TNFSF4: variants seen among roughly 807,000 people sequenced by gnomAD.
TNFSF4 encodes TNF superfamily member 4.
A neutral mutation model predicts 7.3 loss-of-function variants in TNFSF4; 4 were observed. The observed-to-expected ratio is 0.55, with a 90% CI of 0.27 to 1.25. TNFSF4 has a LOEUF of 1.25. TNFSF4 is among the 50% of genes most tolerant of loss of function. TNFSF4 has a pLI of 0.12. For synonymous variants in TNFSF4, 76 were observed against 83.7 expected (o/e 0.91, Z 0.50); for missense variants, 181 against 208.8 (o/e 0.87, Z 0.82).
chr1:173,393,309 G>C, the TNFSF4 span, among the ~76,000 whole-genome samples: 7,520 of 152,234 alleles, frequency 0.049, 625 homozygotes, highest in African/African-American at 0.17. Context: ...TGAGTCATTC[G>C]TGACATTTTC....
At chr1:173,277,954 A>G in the TNFSF4 span, among the ~76,000 whole-genome samples, 1 of 152,276 alleles carries the variant, frequency 6.6e-6, no homozygotes, top group East Asian at 1.9e-4. Flanking sequence ...CTAAGGGAAG[A>G]ATGACACCAC....
chr1:173,223,973 C>T, the TNFSF4 span, among the ~76,000 whole-genome samples: 2 of 152,188 alleles, frequency 1.3e-5, no homozygotes, highest in Non-Finnish European at 2.9e-5. Flanking sequence ...GTCAACTCAG[C>T]AGTAACGCTG....
the TNFSF4 span, among the ~76,000 whole-genome samples, chr1:173,325,029 A>G: frequency 6.6e-6 from 1 of 152,352 alleles, no homozygotes; most frequent in Non-Finnish European, 1.5e-5. Context: ...AGACATCTAC[A>G]GAACTCTCCA....
chr1:173,409,764 C>T, the TNFSF4 span, among the ~76,000 whole-genome samples: 2 of 152,074 alleles, frequency 1.3e-5, no homozygotes, highest in South Asian at 4.1e-4. Context: ...GTGAGAAGTG[C>T]AGGCAGTGGT....
At chr1:173,232,564 C>T in the TNFSF4 span, among the ~76,000 whole-genome samples, 6 of 152,302 alleles carry the variant, frequency 3.9e-5, no homozygotes, top group African/African-American at 1.4e-4. Flanking sequence ...AAAGGGAATG[C>T]TTCCAGTTTT....
chr1:173,408,096 A>C, the TNFSF4 span, among the ~76,000 whole-genome samples: 1 of 152,174 alleles, frequency 6.6e-6, no homozygotes, highest in Non-Finnish European at 1.5e-5. Flanking sequence ...TGGAAAATAC[A>C]CTTCTGTTGT....
chr1:173,237,313 A>G, the TNFSF4 span, among the ~76,000 whole-genome samples: 5 of 152,206 alleles, frequency 3.3e-5, no homozygotes, highest in Non-Finnish European at 5.9e-5. Flanking sequence ...ACTAAAGACA[A>G]AAACTACATG....
chr1:173,374,353 T>C, the TNFSF4 span, among the ~76,000 whole-genome samples: 1 of 152,166 alleles, frequency 6.6e-6, no homozygotes, highest in Admixed American at 6.5e-5. Flanking sequence ...TCCCCATCTA[T>C]GGATTTCTTG....
chr1:173,436,942 C>A, the TNFSF4 span, among the ~76,000 whole-genome samples: 1 of 152,286 alleles, frequency 6.6e-6, no homozygotes, highest in African/African-American at 2.4e-5. Flanking sequence ...GATCTCTAGG[C>A]CCCTGGAATG....
the TNFSF4 span, among the ~76,000 whole-genome samples, chr1:173,386,177 A>C: frequency 2.6e-5 from 4 of 152,212 alleles, no homozygotes; most frequent in Non-Finnish European, 5.9e-5. Context: ...CTTGGGGCTC[A>C]TGCCCAGGGC....
chr1:173,315,413 C>G, the TNFSF4 span, among the ~76,000 whole-genome samples: 1 of 151,814 alleles, frequency 6.6e-6, no homozygotes, highest in South Asian at 2.1e-4. Flanking sequence ...GTCTAGACAT[C>G]AAAGAAAAAA....
the TNFSF4 span, among the ~76,000 whole-genome samples, chr1:173,285,381 G>A: frequency 2.6e-5 from 4 of 152,164 alleles, no homozygotes; most frequent in African/African-American, 9.7e-5. Context: ...AAGATGCTGT[G>A]AACATTGTTG....
intron 1 of TNFSF4, 101 bp downstream of exon 1, chr1:173,206,923 A>G (rs112422066): frequency 7.3e-7 from 1 of 1,368,836 alleles, no homozygotes; most frequent in Admixed American, 2.5e-5. Context: ...AAAAAACTCA[A>G]CACTTTTGGC....
intron 1 of TNFSF4, chr1:173,205,533 G>T: frequency 7.3e-7 from 1 of 1,363,628 alleles, no homozygotes; most frequent in East Asian, 2.7e-5. Flanking sequence ...AGTTAGCCTT[G>T]AATGGAGCCA....
rs891123276 is a variant in TNFSF4, at chr1:173,185,771, A to G, written c.*745T>C. The G allele has an allele frequency of 1.3e-5, 2 of 152,228 alleles. No homozygotes were observed. Among genetic ancestry groups the G allele is most frequent in the African/African-American group, 4.8e-5 (2 of 41,434 alleles). The allele number at this position is 152,228 out of a possible 1,614,324, so 9.4% of individuals were successfully genotyped here. Reference sequence around the variant, plus strand: ...ATCTCACTCTCCCTGTATACAAGAAAATCTCTCTTAAGTCACTGATTAGAT... The same window carrying G: ...ATCTCACTCTCCCTGTATACAAGAAGATCTCTCTTAAGTCACTGATTAGAT... On this transcript the variant is annotated 3_prime_UTR_variant, in exon 3 of 3. Transcript: ENST00000281834.
chr1:173,364,121 C>G, the TNFSF4 span, among the ~76,000 whole-genome samples: 1 of 151,568 alleles, frequency 6.6e-6, no homozygotes, highest in Non-Finnish European at 1.5e-5. Flanking sequence ...TTCAGTTTAG[C>G]ATTGTTTATA....
the TNFSF4 span, among the ~76,000 whole-genome samples, chr1:173,319,216 G>A: frequency 6.6e-6 from 1 of 152,188 alleles, no homozygotes; most frequent in Non-Finnish European, 1.5e-5. Context: ...CAGTGCTAAA[G>A]GGTCTGGGAG....
the TNFSF4 span, among the ~76,000 whole-genome samples, chr1:173,173,876 CAT>C: frequency 1.7e-3 from 253 of 152,340 alleles, 2 homozygotes; most frequent in African/African-American, 5.6e-3. Context: ...AGGTCTCCGA[CAT>C]GCCCTGGAGA....
rs2101976742 is a variant in TNFSF4 at position 173,183,748 on chromosome 1, TTTTA to T, written c.*2764_*2767del. On this transcript the variant is annotated 3_prime_UTR_variant, in exon 3 of 3. Coordinates refer to ENST00000281834, the MANE Select transcript of TNFSF4 (RefSeq NM_003326.5). ...CTCACCAGTAGTGAATTCTGAGATC[TTTTA>T]TTTGTTTCCATGTAAATAGCAATAT... 6.6e-6 allele frequency: 1 copy of T among 152,328 alleles called. No homozygotes were observed. Among genetic ancestry groups the T allele is most frequent in the Non-Finnish European group, 1.5e-5 (1 of 68,034 alleles). The allele number at this position is 152,328 out of a possible 1,614,324, so 9.4% of individuals were successfully genotyped here.
Sources: allele counts gnomAD v4.1 joint callset (sites outside exome capture counted in the v4.1 genomes callset), GRCh38; gene constraint gnomAD v4.1.1; transcripts MANE v1.5; gene names NCBI Gene and HGNC (gene_info 2026-07-23, HGNC 2026-07-21).